DGKB: variants seen among roughly 807,000 people sequenced by gnomAD.
DGKB encodes diacylglycerol kinase beta, also known as 90 kDa diacylglycerol kinase.
Under a neutral mutation model 114.3 loss-of-function variants are expected in DGKB, and 67 were observed. The observed-to-expected ratio is 0.59, with a 90% CI of 0.48 to 0.72. The LOEUF (loss-of-function observed/expected upper bound fraction) is 0.72. Ranked by LOEUF, DGKB falls within the 30% of genes least tolerant of loss-of-function variation. DGKB has a pLI of 0.00. For missense variants in DGKB, 907 were observed against 975.2 expected, an observed-to-expected ratio of 0.93 and a Z score of 0.93; for synonymous variants, 398 against 323.1, an observed-to-expected ratio of 1.23 and a Z score of -2.49.
intron 20 of DGKB, among the ~76,000 whole-genome samples, chr7:14,524,142 ATATT>A (rs761646091): frequency 8.5e-5 from 13 of 152,114 alleles, no homozygotes; most frequent in Non-Finnish European, 1.2e-4. Flanking sequence ...TTTGTATTTT[ATATT>A]TATTGTGTTA....
At chr7:14,475,440 C>T (rs781144098) in intron 21 of DGKB, among the ~76,000 whole-genome samples, 1 of 152,116 alleles carries the variant, frequency 6.6e-6, no homozygotes, top group Non-Finnish European at 1.5e-5. Context: ...GAAATGATAA[C>T]TGTAGACTTA....
At chr7:14,456,953 C>T (rs1392269383) in intron 21 of DGKB, among the ~76,000 whole-genome samples, 2 of 151,978 alleles carry the variant, frequency 1.3e-5, no homozygotes, top group South Asian at 2.1e-4. Context: ...GGACCCCTCT[C>T]ATACTATTAC....
rs535629552 is a variant in DGKB, at chr7:14,957,892, T to C, written c.-188+16804A>G. Among the ~76,000 whole-genome samples, 7 of 152,214 alleles carry C rather than the reference T, an allele frequency of 4.6e-5. No homozygotes were observed. The East Asian group carries it at 7.8e-4, about 17-fold the overall frequency. ...AAAAAGATAGTGAAAGTTCAAAATT[T>C]AGTTGACTCTCGTAGCACTATAAAA... On this transcript the variant is annotated intron_variant, in intron 1 of 4. Coordinates refer to the DGKB transcript ENST00000437998.
At chr7:14,872,663 C>T (rs1034924402) in intron 1 of DGKB, among the ~76,000 whole-genome samples, 1 of 152,008 alleles carries the variant, frequency 6.6e-6, no homozygotes, top group Non-Finnish European at 1.5e-5. Flanking sequence ...GAAATCAAAG[C>T]TTGTTTCACA....
intron 14 of DGKB, among the ~76,000 whole-genome samples, chr7:14,624,116 G>A (rs1563711764): frequency 6.6e-6 from 1 of 152,068 alleles, no homozygotes. Flanking sequence ...ATGTGTGTGT[G>A]TATGAAAAAA....
At chr7:14,907,632 G>A (rs1783779642), upstream of DGKB, among the ~76,000 whole-genome samples, 1 of 152,080 alleles carries the variant, frequency 6.6e-6, no homozygotes, top group Non-Finnish European at 1.5e-5. Context: ...TAATTTCTGA[G>A]GTTAATATTT....
intron 1 of DGKB, among the ~76,000 whole-genome samples, chr7:14,953,574 A>G (rs140771065): frequency 1.3e-5 from 2 of 152,256 alleles, no homozygotes; most frequent in South Asian, 2.1e-4. Context: ...TGGAGATATT[A>G]GAAAACTCAT....
At chr7:14,782,059 G>C (rs1317561633) in intron 2 of DGKB, among the ~76,000 whole-genome samples, 3 of 152,130 alleles carry the variant, frequency 2.0e-5, no homozygotes, top group Middle Eastern at 6.8e-3. Context: ...GAATCTTGTT[G>C]TCTCTCCCAG....
At chr7:14,224,030 C>G (rs537884807) in intron 23 of DGKB, among the ~76,000 whole-genome samples, 1 of 151,088 alleles carries the variant, frequency 6.6e-6, no homozygotes, top group Admixed American at 6.6e-5. Flanking sequence ...CACGTTTATC[C>G]TATTTGGAGT....
chr7:14,505,936 T>A (rs1786977109), intron 20 of DGKB, among the ~76,000 whole-genome samples: 1 of 152,158 alleles, frequency 6.6e-6, no homozygotes, highest in Non-Finnish European at 1.5e-5. Flanking sequence ...AATGTTCTCA[T>A]TTTTATTCAT....
At chr7:14,158,238 C>T (rs946045361) in intron 25 of DGKB, among the ~76,000 whole-genome samples, 13 of 152,106 alleles carry the variant, frequency 8.5e-5, no homozygotes, top group Non-Finnish European at 1.5e-4. Context: ...TTTGCTAACC[C>T]CTCTTCTATC....
intron 1 of DGKB, among the ~76,000 whole-genome samples, chr7:14,959,058 T>C (rs1587459643): frequency 6.6e-6 from 1 of 152,092 alleles, no homozygotes; most frequent in Admixed American, 6.6e-5. Flanking sequence ...ATATTTTGTT[T>C]GGGATTTTAT....
Position 14,178,015 on chromosome 7 carries a change from A to G in DGKB, c.2243+16T>C, listed in dbSNP as rs1782040566. On this transcript the variant is annotated intron_variant, in intron 24 of 25. Transcript: ENST00000402815. ...GCCATATCAAACGCCTTTGTCAGTT[A>G]CAGAAAGGGAACTACCTGATGACCA... 1.3e-6 allele frequency: 2 copies of G among 1,532,844 alleles called. No individual in the cohort carries two copies. The highest frequency in any genetic ancestry group is 4.6e-5 in the Admixed American group (2 of 43,560). 95.0% of individuals were successfully genotyped at this position (1,532,844 alleles called of 1,614,324 possible). A position where few individuals can be genotyped will look rare whatever the true frequency, so the allele number is the denominator to read the frequency against.
chr7:14,920,787 C>T (rs1056555262), intron 1 of DGKB, among the ~76,000 whole-genome samples: 10 of 152,162 alleles, frequency 6.6e-5, no homozygotes, highest in South Asian at 4.1e-4. Context: ...AACTAGGGTA[C>T]GTCTCTAAAA....
intron 4 of DGKB, among the ~76,000 whole-genome samples, chr7:14,738,095 T>C (rs962205235): frequency 1.3e-5 from 2 of 152,194 alleles, no homozygotes; most frequent in Non-Finnish European, 2.9e-5. Context: ...CCAAATAGTT[T>C]CCTTGAAAAG....
chr7:14,884,494 T>C (rs935990891), intron 1 of DGKB, among the ~76,000 whole-genome samples: 1 of 152,000 alleles, frequency 6.6e-6, no homozygotes, highest in Non-Finnish European at 1.5e-5. Flanking sequence ...TTTTAAAATA[T>C]CTGTACTTCT....
intron 23 of DGKB, among the ~76,000 whole-genome samples, chr7:14,319,261 C>T (rs947717897): frequency 6.9e-6 from 1 of 145,192 alleles, no homozygotes; most frequent in South Asian, 2.3e-4. Flanking sequence ...ACAATGTGCA[C>T]ATGTACCCTA....
At chr7:14,379,267 C>G (rs2128675045) in intron 21 of DGKB, among the ~76,000 whole-genome samples, 1 of 152,224 alleles carries the variant, frequency 6.6e-6, no homozygotes. Flanking sequence ...GCTCCCATTT[C>G]TTTTCATCAT....
chr7:14,812,694 G>A (rs1843603748), intron 2 of DGKB, among the ~76,000 whole-genome samples: 1 of 152,048 alleles, frequency 6.6e-6, no homozygotes, highest in Non-Finnish European at 1.5e-5. Context: ...AAATATCCCA[G>A]GCTTCAATCT....
Sources: gnomAD v4.1 joint callset for allele counts (sites outside exome capture counted in the v4.1 genomes callset) on GRCh38, gnomAD v4.1.1 for gene constraint, MANE v1.5 for transcripts, NCBI Gene and HGNC (gene_info 2026-07-23, HGNC 2026-07-21) for gene names.